Variants in NTM observed in about 807,000 individuals in gnomAD.
The protein encoded by NTM is neurotrimin.
In NTM, 13 loss-of-function variants were observed where a neutral mutation model predicts 42.1. The ratio of observed to expected loss-of-function variants is 0.31; its 90% CI spans 0.20 to 0.49. NTM has a LOEUF of 0.49. Ranked by LOEUF, NTM falls within the 20% of genes least tolerant of loss-of-function variation. The probability of loss-of-function intolerance (pLI) is 0.99; values close to 1 mark genes in which losing one functional copy is unlikely to be tolerated. For synonymous variants in NTM, 187 were observed against 179.2 expected (o/e 1.04, Z -0.35); for missense variants, 373 against 452.8 (o/e 0.82, Z 1.60).
chr11:132,176,810 C>A (rs1158322195), intron 3 of NTM, among the ~76,000 whole-genome samples: 1 of 147,382 alleles, frequency 6.8e-6, no homozygotes, highest in Non-Finnish European at 1.5e-5. Flanking sequence ...CTCACTGCAA[C>A]CTCTGCCTCC....
intron 1 of NTM, chr11:131,573,671 A>G (rs950583426): frequency 1.3e-5 from 2 of 152,224 alleles, no homozygotes; most frequent in African/African-American, 4.8e-5. Flanking sequence ...TATTTTCGTT[A>G]ACAAGTGCCT....
intron 4 of NTM, among the ~76,000 whole-genome samples, chr11:132,278,027 G>A (rs920165570): frequency 1.3e-5 from 2 of 152,200 alleles, no homozygotes; most frequent in Non-Finnish European, 2.9e-5. Flanking sequence ...TCTGCTTTGG[G>A]CCACAGTCAC....
chr11:131,880,638 A>T (rs1232971700), intron 1 of NTM, among the ~76,000 whole-genome samples: 1 of 152,214 alleles, frequency 6.6e-6, no homozygotes, highest in African/African-American at 2.4e-5. Context: ...CAAGGGTCAC[A>T]GGGCTAACCC....
At chr11:131,626,355 T>C (rs998753929) in intron 1 of NTM, among the ~76,000 whole-genome samples, 1 of 152,202 alleles carries the variant, frequency 6.6e-6, no homozygotes, top group African/African-American at 2.4e-5. Context: ...TATACAAACG[T>C]ATATTCATTA....
chr11:131,798,360 G>C (rs1278911087), intron 1 of NTM, among the ~76,000 whole-genome samples: 1 of 152,150 alleles, frequency 6.6e-6, no homozygotes, highest in Non-Finnish European at 1.5e-5. Flanking sequence ...CAACATCTAG[G>C]AAAGAGGGAA....
intron 1 of NTM, among the ~76,000 whole-genome samples, chr11:131,630,734 G>A (rs777394447): frequency 5.3e-5 from 8 of 152,020 alleles, no homozygotes; most frequent in South Asian, 2.1e-4. Flanking sequence ...GATTATCACC[G>A]CCTGCACTGG....
At chr11:131,750,734 C>T (rs2082386548) in intron 1 of NTM, among the ~76,000 whole-genome samples, 1 of 152,216 alleles carries the variant, frequency 6.6e-6, no homozygotes, top group African/African-American at 2.4e-5. Flanking sequence ...CAGTCACTCT[C>T]ATTGCTGGAG....
At chr11:131,662,431 A>T (rs933353436) in intron 1 of NTM, 4 of 152,210 alleles carry the variant, frequency 2.6e-5, no homozygotes, top group Non-Finnish European at 4.4e-5. Flanking sequence ...TAATGGGGAA[A>T]ATTAAGCTGC....
At chr11:132,184,863 C>T (rs752442040) in intron 3 of NTM, among the ~76,000 whole-genome samples, 16 of 152,184 alleles carry the variant, frequency 1.1e-4, no homozygotes, top group South Asian at 2.1e-4. Context: ...ACCTATGCTA[C>T]GGCTTCATGG....
intron 2 of NTM, among the ~76,000 whole-genome samples, chr11:132,055,164 A>G (rs565469081): frequency 6.6e-6 from 1 of 152,312 alleles, no homozygotes; most frequent in African/African-American, 2.4e-5. Flanking sequence ...TTGACTGTCA[A>G]TCTTCATTCT....
intron 1 of NTM, among the ~76,000 whole-genome samples, chr11:131,398,539 C>A (rs117761182): frequency 6.6e-6 from 1 of 152,092 alleles, no homozygotes; most frequent in African/African-American, 2.4e-5. Flanking sequence ...TAGTGAGCAT[C>A]GTTTTAATTG....
intron 4 of NTM, among the ~76,000 whole-genome samples, chr11:132,263,771 G>A (rs192522605): frequency 7.9e-5 from 12 of 152,272 alleles, no homozygotes; most frequent in Admixed American, 4.6e-4. Context: ...ACACTGGAAC[G>A]TGAACAATAT....
At chr11:131,372,549 T>C (rs1941365727) in intron 1 of NTM, among the ~76,000 whole-genome samples, 1 of 151,872 alleles carries the variant, frequency 6.6e-6, no homozygotes, top group African/African-American at 2.4e-5. Context: ...GGAAAAGCAG[T>C]TTCTGTGGGG....
intron 1 of NTM, among the ~76,000 whole-genome samples, chr11:131,749,905 A>G (rs2082274490): frequency 6.6e-6 from 1 of 152,224 alleles, no homozygotes; most frequent in African/African-American, 2.4e-5. Flanking sequence ...AGAGGATACC[A>G]GGACATTTCC....
chr11:131,865,755 C>A (rs866746246), intron 1 of NTM, among the ~76,000 whole-genome samples: 1 of 150,160 alleles, frequency 6.7e-6, no homozygotes, highest in African/African-American at 2.5e-5. Flanking sequence ...CACACACAAG[C>A]TACACACACA....
chr11:131,883,085 C>T (rs184606470), intron 1 of NTM, among the ~76,000 whole-genome samples: 24 of 152,240 alleles, frequency 1.6e-4, no homozygotes, highest in African/African-American at 4.8e-4. Context: ...TTCTGTGCTC[C>T]GTAGCCTCAC....
At chr11:132,202,070 T>C (rs1413069080) in intron 3 of NTM, among the ~76,000 whole-genome samples, 1 of 152,222 alleles carries the variant, frequency 6.6e-6, no homozygotes, top group Non-Finnish European at 1.5e-5. Flanking sequence ...ATTAATTGAT[T>C]CCTTTCTCAT....
chr11:131,701,594 A>T (rs905363568), intron 1 of NTM, among the ~76,000 whole-genome samples: 11 of 152,224 alleles, frequency 7.2e-5, no homozygotes, highest in Admixed American at 2.6e-4. Context: ...ATCATGGCTT[A>T]TGTGTTTATT....
In NTM at chr11:131,886,897, T is replaced by C. The variant is rs987951084; in HGVS notation, c.83-24667T>C. ...CCTCTCATTGATAGAGTGCCTACTG[T>C]GCGTTAGGCACTGTTCTGTGCATTG... On this transcript the variant is annotated intron_variant, in intron 1 of 8. Coordinates refer to ENST00000683400, the MANE Select transcript of NTM (RefSeq NM_001352005.2). Among the ~76,000 whole-genome samples the C allele has an allele frequency of 2.0e-5, 3 of 152,196 alleles. No homozygotes were observed. The East Asian group carries it at 5.8e-4, about 29-fold the overall frequency.
Sources: allele counts gnomAD v4.1 joint callset (sites outside exome capture counted in the v4.1 genomes callset), GRCh38; gene constraint gnomAD v4.1.1; transcripts MANE v1.5; gene names NCBI Gene and HGNC (gene_info 2026-07-23, HGNC 2026-07-21).